The following PARD3B variants were observed in gnomAD, a reference collection of about 807,000 sequenced individuals.
PARD3B encodes the protein par-3 family cell polarity regulator beta, also known as partitioning defective 3 homolog B.
Under a neutral mutation model 130.2 loss-of-function variants are expected in PARD3B, and 103 were observed. The ratio of observed to expected loss-of-function variants is 0.79; its 90% CI spans 0.67 to 0.93. The LOEUF is 0.93. Among genes scored for constraint, PARD3B ranks in the 40% least tolerant of loss-of-function variants. The pLI is 0.00. For missense variants in PARD3B, 1,609 were observed against 1,499.2 expected (o/e 1.07, Z -1.21); for synonymous variants, 583 against 553.2 (o/e 1.05, Z -0.76).
At chr2:205,137,329 G>A (rs1181595981) in intron 10 of PARD3B, among the ~76,000 whole-genome samples, 1 of 152,070 alleles carries the variant, frequency 6.6e-6, no homozygotes, top group Non-Finnish European at 1.5e-5. Context: ...GACAAATAAT[G>A]AATAACGAAC....
In PARD3B at chr2:204,995,535, T is replaced by C. The variant is rs1490708207; in HGVS notation, c.394+30212T>C. Reference sequence around the variant, plus strand: ...AACATTTTTTCCTTCATTTCAACTTTGGTGAATCTGACAATTATGTGTCTT... The same window carrying C: ...AACATTTTTTCCTTCATTTCAACTTCGGTGAATCTGACAATTATGTGTCTT... On this transcript the variant is annotated intron_variant, in intron 3 of 22. Coordinates refer to ENST00000406610, the MANE Select transcript of PARD3B (RefSeq NM_001302769.2). 8.3e-3 allele frequency among the ~76,000 whole-genome samples: 1,179 copies of C among 141,722 alleles called. 22 individuals are homozygous for C. Among genetic ancestry groups the C allele is most frequent in the African/African-American group, 0.029 (1,101 of 37,400 alleles). The allele number at this position is 141,722 out of a possible 152,430, so 93.0% of individuals were successfully genotyped here. A position where few individuals can be genotyped will look rare whatever the true frequency, so the allele number is the denominator to read the frequency against.
chr2:204,865,403 A>C (rs2045368380), intron 2 of PARD3B, among the ~76,000 whole-genome samples: 1 of 152,226 alleles, frequency 6.6e-6, no homozygotes, highest in Non-Finnish European at 1.5e-5. Context: ...ATCAATCAAC[A>C]AATGGATAAA....
At chr2:205,419,744 A>G (rs1163995192) in intron 19 of PARD3B, among the ~76,000 whole-genome samples, 1 of 152,202 alleles carries the variant, frequency 6.6e-6, no homozygotes, top group Non-Finnish European at 1.5e-5. Context: ...GAAATAAGAA[A>G]TGCTTCCCAG....
intron 18 of PARD3B, among the ~76,000 whole-genome samples, chr2:205,315,924 G>A (rs907611480): frequency 2.0e-5 from 3 of 152,028 alleles, no homozygotes; most frequent in Non-Finnish European, 4.4e-5. Context: ...AGTACTTCCT[G>A]TAGGCCTGCT....
intron 2 of PARD3B, among the ~76,000 whole-genome samples, chr2:204,730,373 A>C (rs984078579): frequency 6.6e-6 from 1 of 152,038 alleles, no homozygotes; most frequent in African/African-American, 2.4e-5. Flanking sequence ...CCAGCCTTAC[A>C]TAGTTAATTT....
chr2:205,389,037 T>A (rs979165959), intron 18 of PARD3B, among the ~76,000 whole-genome samples: 1 of 152,198 alleles, frequency 6.6e-6, no homozygotes, highest in Admixed American at 6.5e-5. Context: ...GTAGGCAACA[T>A]TCGTTTGACA....
intron 21 of PARD3B, among the ~76,000 whole-genome samples, chr2:205,546,683 G>A (rs2052394317): frequency 6.6e-6 from 1 of 152,056 alleles, no homozygotes; most frequent in Non-Finnish European, 1.5e-5. Context: ...CTTCCCTTTA[G>A]CAACCCTCTA....
Position 205,397,452 on chromosome 2 carries a change from C to T in PARD3B, c.2631-3561C>T, listed in dbSNP as rs1461280574. 1.3e-5 allele frequency among the ~76,000 whole-genome samples: 2 copies of T among 152,136 alleles called. No individual in the cohort carries two copies. Among genetic ancestry groups the T allele is most frequent in the Admixed American group, 6.6e-5 (1 of 15,258 alleles). ...TTTTTTTCTTACCAAACATATTCCA[C>T]TGTGAGGGAAGGATAATGAGCTATT... On this transcript the variant is annotated intron_variant, in intron 18 of 22. Transcript: ENST00000406610. This position sits in a 1 kb window ranked among gnomAD's most constrained non-coding sequence, Gnocchi z 4.8.
chr2:205,376,942 G>A (rs762914108), intron 18 of PARD3B, among the ~76,000 whole-genome samples: 3 of 152,102 alleles, frequency 2.0e-5, no homozygotes, highest in East Asian at 1.9e-4. Flanking sequence ...GGAAAAACAC[G>A]TTCTTTAAGT....
intron 4 of PARD3B, among the ~76,000 whole-genome samples, chr2:205,083,606 T>A (rs6731783): frequency 0.13 from 19,729 of 151,890 alleles, 1,908 homozygotes; most frequent in African/African-American, 0.28. Context: ...ATTCTTCTTT[T>A]TTTTTTTAGT....
chr2:205,541,924 A>C (rs1422320423), intron 21 of PARD3B, among the ~76,000 whole-genome samples: 1 of 151,860 alleles, frequency 6.6e-6, no homozygotes, highest in Non-Finnish European at 1.5e-5. Flanking sequence ...TGGGTGGATC[A>C]CTTGAGATCA....
intron 2 of PARD3B, among the ~76,000 whole-genome samples, chr2:204,769,398 G>T (rs1209998889): frequency 5.0e-4 from 17 of 33,958 alleles, no homozygotes; most frequent in East Asian, 1.0e-3. Context: ...GCTGGATTCG[G>T]TTTGCCGGTA....
At chr2:205,182,035 G>A (rs372927686) in intron 13 of PARD3B, among the ~76,000 whole-genome samples, 1 of 152,216 alleles carries the variant, frequency 6.6e-6, no homozygotes, top group Non-Finnish European at 1.5e-5. Flanking sequence ...GCTTACGCCT[G>A]TAATCCCAGC....
At chr2:204,748,888 G>A (rs1171021216) in intron 2 of PARD3B, among the ~76,000 whole-genome samples, 1 of 152,092 alleles carries the variant, frequency 6.6e-6, no homozygotes, top group African/African-American at 2.4e-5. Flanking sequence ...CTCATTGAAA[G>A]TAGTTTTGAC....
At chr2:204,619,400 TA>T (rs2034219386) in intron 1 of PARD3B, among the ~76,000 whole-genome samples, 1 of 152,196 alleles carries the variant, frequency 6.6e-6, no homozygotes, top group Non-Finnish European at 1.5e-5. Context: ...TTTGCAAAAG[TA>T]AAAATGTCTT....
At chr2:205,520,839 A>G (rs1406097297) in intron 21 of PARD3B, among the ~76,000 whole-genome samples, 1 of 152,036 alleles carries the variant, frequency 6.6e-6, no homozygotes, top group Non-Finnish European at 1.5e-5. Flanking sequence ...TGTTTAATGC[A>G]TAGTATTTTC....
chr2:205,404,837 A>C (rs1559062263), intron 19 of PARD3B, among the ~76,000 whole-genome samples: 2 of 152,168 alleles, frequency 1.3e-5, no homozygotes, highest in Admixed American at 6.5e-5. Flanking sequence ...CACTGTTTCA[A>C]ATAATACTTG....
intron 9 of PARD3B, 60 bp downstream of exon 9, chr2:205,124,526 T>G: frequency 7.7e-7 from 1 of 1,292,048 alleles, no homozygotes; most frequent in Admixed American, 2.5e-5. Flanking sequence ...TAATGCCATT[T>G]AATTGCATTG....
At chr2:205,147,313 G>A (rs970112041) in intron 10 of PARD3B, among the ~76,000 whole-genome samples, 2 of 152,068 alleles carry the variant, frequency 1.3e-5, no homozygotes, top group Admixed American at 6.5e-5. Flanking sequence ...GATCTTTCAA[G>A]GTTATATACT....
Sources: gnomAD v4.1 joint callset for allele counts (sites outside exome capture counted in the v4.1 genomes callset) on GRCh38, gnomAD v4.1.1 for gene constraint, Gnocchi (gnomAD v3.1) non-coding constraint, MANE v1.5 for transcripts, NCBI Gene and HGNC (gene_info 2026-07-23, HGNC 2026-07-21) for gene names.